TANC2: variants seen among roughly 807,000 people sequenced by gnomAD.
TANC2 encodes the protein tetratricopeptide repeat, ankyrin repeat and coiled-coil containing 2.
Under a neutral mutation model 210.5 loss-of-function variants are expected in TANC2, and 26 were observed. The observed-to-expected ratio is 0.12, with a 90% CI of 0.09 to 0.17. The LOEUF (loss-of-function observed/expected upper bound fraction) is 0.17, where lower values mean the gene tolerates loss of function less well. Among genes scored for constraint, TANC2 ranks in the 10% least tolerant of loss-of-function variants. TANC2 has a pLI of 1.00. For synonymous variants in TANC2, 931 were observed against 967.1 expected, an observed-to-expected ratio of 0.96 and a Z score of 0.69; for missense variants, 2,129 against 2,608.9, an observed-to-expected ratio of 0.82 and a Z score of 4.01.
chr17:63,286,463 G>A (rs371953489), intron 9 of TANC2, among the ~76,000 whole-genome samples: 33 of 152,006 alleles, frequency 2.2e-4, no homozygotes, highest in East Asian at 1.2e-3. Context: ...CATTATTTGT[G>A]ACAGGGAATC....
At chr17:63,052,366 C>A (rs1031635644) in intron 2 of TANC2, among the ~76,000 whole-genome samples, 1 of 152,106 alleles carries the variant, frequency 6.6e-6, no homozygotes, top group African/African-American at 2.4e-5. Flanking sequence ...AGACACCCAG[C>A]ACGTACATAT....
At chr17:63,145,881 T>C (rs1354446905) in intron 4 of TANC2, among the ~76,000 whole-genome samples, 4 of 152,130 alleles carry the variant, frequency 2.6e-5, no homozygotes, top group Admixed American at 2.6e-4. Context: ...CTATTTAGGT[T>C]CCCTTGAGAT....
intron 2 of TANC2, among the ~76,000 whole-genome samples, chr17:63,070,641 TAAG>T: frequency 6.6e-6 from 1 of 152,100 alleles, no homozygotes; most frequent in Non-Finnish European, 1.5e-5. Context: ...GCCCATAATC[TAAG>T]AATGGTTTTT....
At chr17:63,288,041 G>A (rs1405581136) in intron 9 of TANC2, among the ~76,000 whole-genome samples, 1 of 152,160 alleles carries the variant, frequency 6.6e-6, no homozygotes, top group Non-Finnish European at 1.5e-5. Context: ...CCCTATGTAA[G>A]AAGCAGATAC....
At position 63,268,910 on chromosome 17, in the gene TANC2, G is replaced by A. The variant is rs540626408; in HGVS notation, c.1159+1037G>A. ...TGTCTCTGATAGCTTTTAACAGATA[G>A]TCTCCTTTCTCTGGTATGTTAGCAA... On this transcript the variant is annotated intron_variant, in intron 9 of 27. Transcript: ENST00000689528. Among the ~76,000 whole-genome samples, 7 of 152,242 alleles carry A rather than the reference G, an allele frequency of 4.6e-5. No individual in the cohort carries two copies. In the South Asian group the frequency reaches 8.3e-4, roughly 18 times the overall value.
At chr17:63,293,753 T>G (rs944167738) in intron 9 of TANC2, among the ~76,000 whole-genome samples, 3 of 152,086 alleles carry the variant, frequency 2.0e-5, no homozygotes, top group African/African-American at 7.2e-5. Flanking sequence ...TTGTTTTTGT[T>G]TTTTTTCCCG....
chr17:63,398,590 G>T (rs887344491), intron 18 of TANC2, among the ~76,000 whole-genome samples: 1 of 152,224 alleles, frequency 6.6e-6, no homozygotes, highest in South Asian at 2.1e-4. Flanking sequence ...AAAATCACAT[G>T]CTATATAAGT....
rs551631954 is a variant in TANC2 at position 63,264,187 on chromosome 17, G to C, written c.1034-3561G>C. ...ACAAACACATTTTAAATCCTTCCTT[G>C]TATCACATCTACTAATATACCATTA... On this transcript the variant is annotated intron_variant, in intron 8 of 27. Transcript: ENST00000689528. Among the ~76,000 whole-genome samples the C allele has an allele frequency of 2.2e-3, 329 of 152,276 alleles. 1 individual carries two copies. Among genetic ancestry groups the C allele is most frequent in the African/African-American group, 7.5e-3 (310 of 41,544 alleles).
At chr17:63,100,904 C>T (rs984424573) in intron 4 of TANC2, among the ~76,000 whole-genome samples, 1 of 152,046 alleles carries the variant, frequency 6.6e-6, no homozygotes, top group Non-Finnish European at 1.5e-5. Context: ...CATGTATGAA[C>T]TTTTGAGTTT....
chr17:63,322,579 C>G (rs2045530226), intron 11 of TANC2, among the ~76,000 whole-genome samples: 1 of 152,208 alleles, frequency 6.6e-6, no homozygotes, highest in Non-Finnish European at 1.5e-5. Context: ...TTCAGTCATT[C>G]AGTTATTCAG....
intron 9 of TANC2, among the ~76,000 whole-genome samples, chr17:63,304,263 G>T (rs932860004): frequency 6.6e-6 from 1 of 152,132 alleles, no homozygotes; most frequent in Non-Finnish European, 1.5e-5. Context: ...CTTAGATGGG[G>T]TTTTTGTGGG....
chr17:63,106,464 A>C (rs1175996339), intron 4 of TANC2, among the ~76,000 whole-genome samples: 4 of 151,606 alleles, frequency 2.6e-5, no homozygotes, highest in African/African-American at 9.8e-5. Flanking sequence ...ATTATTGCCG[A>C]ACCAACTAAA....
intron 8 of TANC2, among the ~76,000 whole-genome samples, chr17:63,249,055 C>A (rs973713806): frequency 1.3e-5 from 2 of 152,044 alleles, no homozygotes; most frequent in Non-Finnish European, 2.9e-5. Flanking sequence ...TAGTGAAGTT[C>A]ATAGTTAAAA....
At chr17:63,355,048 G>C in exon 14 of TANC2, 1 of 1,613,924 alleles carries the variant, frequency 6.2e-7, no homozygotes, top group Non-Finnish European at 8.5e-7. Flanking sequence ...GTGTTAAAGA[G>C]CTCTAGCTAC....
At chr17:63,307,559 G>A (rs545452576) in intron 9 of TANC2, among the ~76,000 whole-genome samples, 209 of 152,272 alleles carry the variant, frequency 1.4e-3, no homozygotes, top group Admixed American at 2.7e-3. Flanking sequence ...GAGGATTTCT[G>A]CTACATTTTT....
chr17:63,162,776 A>T (rs1225226343), intron 5 of TANC2, among the ~76,000 whole-genome samples: 2 of 152,026 alleles, frequency 1.3e-5, no homozygotes. Context: ...GAAAGTGAGG[A>T]TGAGGAAAGA....
At chr17:63,015,335 T>C (rs1435621102) in intron 2 of TANC2, among the ~76,000 whole-genome samples, 1 of 152,130 alleles carries the variant, frequency 6.6e-6, no homozygotes, top group Non-Finnish European at 1.5e-5. Context: ...TTATTTTTTA[T>C]TCTTTAAGTT....
At chr17:63,391,259 T>A (rs914920796) in intron 17 of TANC2, 2 of 152,354 alleles carry the variant, frequency 1.3e-5, no homozygotes, top group African/African-American at 4.8e-5. Flanking sequence ...CTGCCAAACC[T>A]GTCCTAAGAG....
chr17:63,311,022 G>C (rs147970432), intron 9 of TANC2, among the ~76,000 whole-genome samples: 2 of 152,320 alleles, frequency 1.3e-5, no homozygotes, highest in African/African-American at 4.8e-5. Flanking sequence ...CTAGAGCATA[G>C]TAGATAAGAT....
Sources: gnomAD v4.1 joint callset for allele counts (sites outside exome capture counted in the v4.1 genomes callset) on GRCh38, gnomAD v4.1.1 for gene constraint, MANE v1.5 for transcripts, NCBI Gene and HGNC (gene_info 2026-07-23, HGNC 2026-07-21) for gene names.